The following FARS2 variants were observed in gnomAD, a reference collection of about 807,000 sequenced individuals.
FARS2 encodes the protein phenylalanine--tRNA ligase, mitochondrial.
In FARS2, 40 loss-of-function variants were observed where a neutral mutation model predicts 46.4. That is an observed-to-expected ratio of 0.86 (90% CI 0.67 to 1.12). The LOEUF (loss-of-function observed/expected upper bound fraction) is 1.12. Ranked by LOEUF, FARS2 falls within the 50% of genes most tolerant of loss-of-function variation. FARS2 has a pLI of 0.00. For missense variants in FARS2, 513 were observed against 567.9 expected, an observed-to-expected ratio of 0.90 and a Z score of 0.98; for synonymous variants, 234 against 214.9, an observed-to-expected ratio of 1.09 and a Z score of -0.78.
rs143996970 is a variant in FARS2 at position 5,550,390 on chromosome 6, G to A, written c.1065+5050G>A. The stretch of plus-strand genomic sequence containing the variant: ...TCCCAGGCTTACATCTCAGCCTCCC[G>A]AGTAGCTGGTACTACAAGCACATGG... On this transcript the variant is annotated intron_variant, in intron 5 of 6. Coordinates refer to ENST00000274680, the MANE Select transcript of FARS2 (RefSeq NM_006567.5). Among the ~76,000 whole-genome samples, 7 of 152,188 alleles carry A rather than the reference G, an allele frequency of 4.6e-5. No homozygotes were observed. The East Asian group carries it at 5.8e-4, about 13-fold the overall frequency.
intron 5 of FARS2, among the ~76,000 whole-genome samples, chr6:5,562,054 G>A (rs1772015554): frequency 6.6e-6 from 1 of 151,944 alleles, no homozygotes; most frequent in South Asian, 2.1e-4. Flanking sequence ...AATATCTTCA[G>A]TATACTTGTT....
intron 1 of FARS2, among the ~76,000 whole-genome samples, chr6:5,359,501 AG>A (rs1478152912): frequency 6.6e-6 from 1 of 152,236 alleles, no homozygotes; most frequent in Non-Finnish European, 1.5e-5. Flanking sequence ...GAAGTGTCAA[AG>A]GATTTCTTGG....
chr6:5,705,980 C>T (rs1243470682), intron 6 of FARS2, among the ~76,000 whole-genome samples: 1 of 152,164 alleles, frequency 6.6e-6, no homozygotes, highest in African/African-American at 2.4e-5. Context: ...ATTTGTTTTA[C>T]TCCATCTGTT....
At chr6:5,617,999 G>T (rs1775562653) in intron 6 of FARS2, among the ~76,000 whole-genome samples, 1 of 152,196 alleles carries the variant, frequency 6.6e-6, no homozygotes. Flanking sequence ...TGACCAGATT[G>T]TGAATATTTT....
intron 6 of FARS2, among the ~76,000 whole-genome samples, chr6:5,737,896 C>T (rs1761052865): frequency 6.6e-6 from 1 of 152,218 alleles, no homozygotes; most frequent in South Asian, 2.1e-4. Flanking sequence ...TTCCCCATGG[C>T]ACTATTAGCA....
chr6:5,412,390 G>T (rs79728405), intron 3 of FARS2, among the ~76,000 whole-genome samples: 4,727 of 152,294 alleles, frequency 0.031, 270 homozygotes, highest in African/African-American at 0.11. Flanking sequence ...GTAGTTCGTT[G>T]ACTTCTCCCT....
intron 6 of FARS2, among the ~76,000 whole-genome samples, chr6:5,661,127 A>C (rs1446665632): frequency 6.6e-6 from 1 of 152,230 alleles, no homozygotes; most frequent in Non-Finnish European, 1.5e-5. Context: ...ATCCCAAAAT[A>C]AATAAAACCC....
chr6:5,324,748 C>CTTGG (rs151107971), intron 1 of FARS2, among the ~76,000 whole-genome samples: 5,949 of 152,158 alleles, frequency 0.039, 359 homozygotes, highest in African/African-American at 0.13. Flanking sequence ...TGGACTGAAG[C>CTTGG]CTTTCCGGGC....
chr6:5,373,600 G>A (rs1439680860), intron 2 of FARS2, among the ~76,000 whole-genome samples: 2 of 152,114 alleles, frequency 1.3e-5, no homozygotes, highest in African/African-American at 4.8e-5. Flanking sequence ...AAATGTTTAT[G>A]CCATTGTATT....
At chr6:5,590,672 T>G (rs1473684648) in intron 5 of FARS2, among the ~76,000 whole-genome samples, 1 of 152,244 alleles carries the variant, frequency 6.6e-6, no homozygotes, top group Admixed American at 6.5e-5. Flanking sequence ...CAGTAGACTT[T>G]ATATTAGTCA....
chr6:5,324,941 G>A (rs774316793), intron 1 of FARS2, among the ~76,000 whole-genome samples: 40 of 151,998 alleles, frequency 2.6e-4, no homozygotes, highest in African/African-American at 5.6e-4. Context: ...CATCCCTGCC[G>A]CAGGAAAGAG....
intron 1 of FARS2, among the ~76,000 whole-genome samples, chr6:5,281,993 C>T (rs927049329): frequency 2.0e-5 from 3 of 152,182 alleles, no homozygotes; most frequent in Admixed American, 6.5e-5. Context: ...ATACTCCAAA[C>T]TTTACCAGTC....
intron 6 of FARS2, among the ~76,000 whole-genome samples, chr6:5,692,753 G>A: frequency 6.6e-6 from 1 of 152,212 alleles, no homozygotes; most frequent in East Asian, 1.9e-4. Context: ...TATTGAATTT[G>A]TAACCTGTGA....
intron 4 of FARS2, among the ~76,000 whole-genome samples, chr6:5,542,268 A>G (rs959714789): frequency 6.6e-6 from 1 of 152,058 alleles, no homozygotes; most frequent in African/African-American, 2.4e-5. Flanking sequence ...AGATGGAGTC[A>G]CTCTGGTTCA....
At chr6:5,560,585 A>G (rs1359772325) in intron 5 of FARS2, among the ~76,000 whole-genome samples, 1 of 152,122 alleles carries the variant, frequency 6.6e-6, no homozygotes, top group Non-Finnish European at 1.5e-5. Context: ...TCATAAAACT[A>G]GTTTAGAAGT....
intron 5 of FARS2, among the ~76,000 whole-genome samples, chr6:5,568,603 C>T (rs1034861736): frequency 3.9e-5 from 6 of 152,194 alleles, no homozygotes; most frequent in South Asian, 2.1e-4. Context: ...GTCCTGGAGG[C>T]GTGAGACAGC....
At chr6:5,541,231 T>G (rs1770612471) in intron 4 of FARS2, among the ~76,000 whole-genome samples, 1 of 152,196 alleles carries the variant, frequency 6.6e-6, no homozygotes, top group Non-Finnish European at 1.5e-5. Context: ...CACAAGGAGA[T>G]AACCACAGAG....
intron 4 of FARS2, among the ~76,000 whole-genome samples, chr6:5,531,266 A>G (rs572585804): frequency 1.3e-5 from 2 of 152,322 alleles, no homozygotes; most frequent in African/African-American, 4.8e-5. Flanking sequence ...GGGGTGGTGC[A>G]TCACTGTCCA....
At chr6:5,523,655 G>T (rs7763423) in intron 4 of FARS2, among the ~76,000 whole-genome samples, 90,283 of 152,012 alleles carry the variant, frequency 0.59, 27,615 homozygotes, top group African/African-American at 0.71. Context: ...AGACAGCTGC[G>T]GCGTGCTTGG....
Sources: allele counts gnomAD v4.1 joint callset (sites outside exome capture counted in the v4.1 genomes callset), GRCh38; gene constraint gnomAD v4.1.1; transcripts MANE v1.5; gene names NCBI Gene and HGNC (gene_info 2026-07-23, HGNC 2026-07-21).